CLOCK: variants seen among roughly 807,000 people sequenced by gnomAD.
CLOCK encodes clock circadian regulator.
A neutral mutation model predicts 118.4 loss-of-function variants in CLOCK; 43 were observed. The ratio of observed to expected loss-of-function variants is 0.36; its 90% CI spans 0.28 to 0.47. The LOEUF (loss-of-function observed/expected upper bound fraction) is 0.47. CLOCK is among the 20% of genes least tolerant of loss of function. The probability of loss-of-function intolerance (pLI) is 1.00; values close to 1 mark genes in which losing one functional copy is unlikely to be tolerated. For missense variants in CLOCK, 846 were observed against 999.9 expected (o/e 0.85, Z 2.08); for synonymous variants, 326 against 339.2 (o/e 0.96, Z 0.43).
intron 4 of CLOCK, among the ~76,000 whole-genome samples, chr4:55,481,798 A>G (rs1022468061): frequency 6.6e-6 from 1 of 152,226 alleles, no homozygotes; most frequent in Admixed American, 6.5e-5. Context: ...TCCAGATCAT[A>G]TCTTACTAGC....
intron 2 of CLOCK, among the ~76,000 whole-genome samples, chr4:55,495,218 TCCC>T (rs1010568848): frequency 2.0e-5 from 3 of 152,040 alleles, no homozygotes; most frequent in African/African-American, 7.2e-5. Context: ...TTTCTCTTCC[TCCC>T]CCAATTCCCG....
chr4:55,440,291 C>T (rs914616709), intron 21 of CLOCK, among the ~76,000 whole-genome samples: 3 of 152,148 alleles, frequency 2.0e-5, no homozygotes, highest in Non-Finnish European at 4.4e-5. Context: ...GCATAGCGTC[C>T]TCTGTGCTAG....
chr4:55,544,165 G>GACACAC (rs35842826), intron 1 of CLOCK, among the ~76,000 whole-genome samples: 2,192 of 148,188 alleles, frequency 0.015, 53 homozygotes, highest in African/African-American at 0.049. Flanking sequence ...GAAACAACCA[G>GACACAC]ACACACACAC....
rs532480764 is a variant in CLOCK, at chr4:55,491,833, T to G, written c.-135-2368A>C. Among the ~76,000 whole-genome samples, 9 of 152,184 alleles carry G rather than the reference T, an allele frequency of 5.9e-5. No individual in the cohort carries two copies. The East Asian group carries it at 1.4e-3, about 23-fold the overall frequency. ...ATAGTTTTTTTAAGAATAGACAAATTAATCAGTAAGTCAGAATGATAAAAT... is the reference window on the plus strand; with the variant it reads ...ATAGTTTTTTTAAGAATAGACAAATGAATCAGTAAGTCAGAATGATAAAAT... On this transcript the variant is annotated intron_variant, in intron 2 of 22. Transcript: ENST00000513440.
intron 1 of CLOCK, among the ~76,000 whole-genome samples, chr4:55,537,892 A>C (rs1187310257): frequency 6.6e-6 from 1 of 152,218 alleles, no homozygotes; most frequent in Non-Finnish European, 1.5e-5. Context: ...CTTCTATCTT[A>C]AGAAACCAGA....
chr4:55,446,166 T>A (rs1723833901), intron 18 of CLOCK, among the ~76,000 whole-genome samples: 1 of 150,334 alleles, frequency 6.7e-6, no homozygotes. Context: ...TGATCACAGC[T>A]TATTGCAGCC....
chr4:55,455,166 G>A (rs1316579432), intron 13 of CLOCK, among the ~76,000 whole-genome samples: 1 of 152,102 alleles, frequency 6.6e-6, no homozygotes, highest in Non-Finnish European at 1.5e-5. Flanking sequence ...AAGCATCTGG[G>A]AGGAGGATCA....
rs1722370588 is a variant in CLOCK at position 55,429,346 on chromosome 4, G to GAC, written c.*6067_*6068dup. The GAC allele has an allele frequency of 6.6e-6, 1 of 152,158 alleles. No homozygotes were observed. Among genetic ancestry groups the GAC allele is most frequent in the African/African-American group, 2.4e-5 (1 of 41,430 alleles). The allele number at this position is 152,158 out of a possible 1,614,324, so 9.4% of individuals were successfully genotyped here. The stretch of plus-strand genomic sequence containing the variant: ...GTTGTGTGCTATACCTAGCCTGTGG[G>GAC]ACTCCATAGCTTCTCTGAGTCCTAA... On this transcript the variant is annotated 3_prime_UTR_variant, in exon 23 of 23. Coordinates refer to ENST00000513440, the MANE Select transcript of CLOCK (RefSeq NM_004898.4).
rs1325939562 is a variant in CLOCK at position 55,435,585 on chromosome 4, A to T, written c.2371T>A (p.Leu791Met). ...PPQQFLQTSR[L>M]LHGNPSTQLI... ...TGAGTTGAGGGATTCCCATGGAGCA[A>T]CCTAGAAGTCTAAAAAACAAATGGA... The change falls in exon 23 of 23, where the codon TTG becomes ATG. Residue 791 changes from leucine (L) to methionine (M), a missense_variant. Around this residue, in one of 4 missense-constraint regions of CLOCK, gnomAD observed 520 missense variants for 558.0 expected, o/e 0.93. Coordinates refer to ENST00000513440, the MANE Select transcript of CLOCK (RefSeq NM_004898.4). The T allele has an allele frequency of 6.2e-7, 1 of 1,613,864 alleles. No individual in the cohort carries two copies. Among genetic ancestry groups the T allele is most frequent in the Admixed American group, 1.7e-5 (1 of 59,996 alleles).
At chr4:55,455,266 G>A (rs184262057) in intron 13 of CLOCK, among the ~76,000 whole-genome samples, 8 of 152,276 alleles carry the variant, frequency 5.3e-5, no homozygotes, top group African/African-American at 1.9e-4. Context: ...AGTAGGCCTA[G>A]GCTCCAATCC....
chr4:55,497,412 T>C (rs1009193318), intron 2 of CLOCK, among the ~76,000 whole-genome samples: 9 of 152,178 alleles, frequency 5.9e-5, no homozygotes, highest in African/African-American at 2.2e-4. Context: ...CCATGTACCC[T>C]AACATAGTGG....
chr4:55,515,195 T>G lies in CLOCK; in HGVS notation c.-289-5130A>C, dbSNP rs147664958. 6.4e-3 allele frequency among the ~76,000 whole-genome samples: 979 copies of G among 152,314 alleles called. 17 individuals are homozygous for G. The highest frequency in any genetic ancestry group is 0.022 in the African/African-American group (910 of 41,564). Reference sequence around the variant, plus strand: ...GAGTTGTTCATAATATTCCTTTATATTTTTAATATAAATGGAAATCTGTTA... The same window carrying G: ...GAGTTGTTCATAATATTCCTTTATAGTTTTAATATAAATGGAAATCTGTTA... On this transcript the variant is annotated intron_variant, in intron 1 of 22. Coordinates refer to ENST00000513440, the MANE Select transcript of CLOCK (RefSeq NM_004898.4).
At chr4:55,527,287 GTAAA>G (rs1730267414) in intron 1 of CLOCK, among the ~76,000 whole-genome samples, 1 of 152,094 alleles carries the variant, frequency 6.6e-6, no homozygotes, top group African/African-American at 2.4e-5. Context: ...GAGTTGTTGA[GTAAA>G]TAAATCACTA....
chr4:55,517,485 G>A (rs1047947959), intron 1 of CLOCK, among the ~76,000 whole-genome samples: 4 of 152,080 alleles, frequency 2.6e-5, no homozygotes, highest in African/African-American at 4.8e-5. Flanking sequence ...ACTCCAGCCC[G>A]GGCAACAGAG....
chr4:55,500,102 G>C (rs184534613), intron 2 of CLOCK, among the ~76,000 whole-genome samples: 8 of 152,148 alleles, frequency 5.3e-5, no homozygotes, highest in African/African-American at 1.9e-4. Flanking sequence ...TAGAAATAAA[G>C]GGTTTCTCTT....
intron 2 of CLOCK, among the ~76,000 whole-genome samples, chr4:55,508,643 A>T (rs1447293472): frequency 2.7e-5 from 4 of 149,680 alleles, no homozygotes; most frequent in Non-Finnish European, 5.9e-5. Flanking sequence ...CCCAAGCTGG[A>T]GTGCAGTGGC....
At chr4:55,466,653 G>A (rs544409000) in intron 8 of CLOCK, among the ~76,000 whole-genome samples, 6 of 152,218 alleles carry the variant, frequency 3.9e-5, no homozygotes, top group African/African-American at 1.2e-4. Context: ...ATGAATGCCT[G>A]TATCAAGAGT....
chr4:55,541,950 C>CAA (rs55793804), intron 1 of CLOCK, among the ~76,000 whole-genome samples: 10 of 136,978 alleles, frequency 7.3e-5, no homozygotes, highest in African/African-American at 2.4e-4. Context: ...CTCCCCCCAC[C>CAA]AAAAAAAAAA....
intron 11 of CLOCK, among the ~76,000 whole-genome samples, chr4:55,458,634 CA>C (rs921273886): frequency 6.6e-6 from 1 of 151,978 alleles, no homozygotes; most frequent in African/African-American, 2.4e-5. Context: ...TAATGAACAA[CA>C]CACAAAAGGA....
Sources: gnomAD v4.1 joint callset for allele counts (sites outside exome capture counted in the v4.1 genomes callset) on GRCh38, gnomAD v4.1.1 for gene constraint, gnomAD v4.1.1 regional missense constraint, MANE v1.5 for transcripts, NCBI Gene and HGNC (gene_info 2026-07-23, HGNC 2026-07-21) for gene names.